Variants in BACH2 observed in about 807,000 individuals in gnomAD.
BACH2 encodes the protein transcription regulator protein BACH2.
In BACH2, 5 loss-of-function variants were observed where a neutral mutation model predicts 61.8. That is an observed-to-expected ratio of 0.08 (90% CI 0.04 to 0.17). BACH2 has a LOEUF of 0.17. BACH2 is among the 10% of genes least tolerant of loss of function. BACH2 has a pLI of 1.00. For synonymous variants in BACH2, 446 were observed against 440.1 expected, an observed-to-expected ratio of 1.01 and a Z score of -0.17; for missense variants, 824 against 1,091.1, an observed-to-expected ratio of 0.76 and a Z score of 3.45.
chr6:90,275,829 C>T (rs1379259050), intron 1 of BACH2, among the ~76,000 whole-genome samples: 1 of 152,030 alleles, frequency 6.6e-6, no homozygotes, highest in Admixed American at 6.6e-5. Flanking sequence ...ATTAGCCAGG[C>T]ATGGTGGTGT....
At chr6:90,237,972 T>C (rs1363950257) in intron 3 of BACH2, among the ~76,000 whole-genome samples, 1 of 152,258 alleles carries the variant, frequency 6.6e-6, no homozygotes, top group Non-Finnish European at 1.5e-5. Context: ...TCAATGTGTG[T>C]GCAATCCAAC....
At chr6:90,280,330 T>C (rs1299314276) in intron 1 of BACH2, among the ~76,000 whole-genome samples, 1 of 152,182 alleles carries the variant, frequency 6.6e-6, no homozygotes, top group Non-Finnish European at 1.5e-5. Flanking sequence ...TACAACGTTA[T>C]GTAATATTTT....
chr6:90,124,005 G>A lies in BACH2; in HGVS notation c.-161-34896C>T, dbSNP rs146182320. 6.8e-3 allele frequency among the ~76,000 whole-genome samples: 1,036 copies of A among 152,140 alleles called. 15 individuals are homozygous for A. Among genetic ancestry groups the A allele is most frequent in the African/African-American group, 0.022 (933 of 41,526 alleles). ...GCCAGACCTAGTGTGAGTCAGAGTC[G>A]CCAGGGGAACTTTTGTCAAAAACTG... On this transcript the variant is annotated intron_variant, in intron 4 of 8. Transcript: ENST00000257749.
At chr6:90,064,457 G>C (rs1291825210) in intron 5 of BACH2, among the ~76,000 whole-genome samples, 5 of 152,228 alleles carry the variant, frequency 3.3e-5, no homozygotes, top group Non-Finnish European at 5.9e-5. Flanking sequence ...TGGGGACCAT[G>C]ATGGGCTGCT....
At chr6:89,948,830 G>GTATTCCCA (rs1773902530) in intron 7 of BACH2, among the ~76,000 whole-genome samples, 1 of 152,140 alleles carries the variant, frequency 6.6e-6, no homozygotes, top group Non-Finnish European at 1.5e-5. Context: ...CTAAGGGGAG[G>GTATTCCCA]TGGTATATTC....
At position 89,964,538 on chromosome 6, in the gene BACH2, G is replaced by A. The variant is rs147959294; in HGVS notation, c.244-12676C>T. Among the ~76,000 whole-genome samples, 48 of 152,178 alleles carry A rather than the reference G, an allele frequency of 3.2e-4. 1 individual carries two copies. In the East Asian group the frequency reaches 7.9e-3, roughly 25 times the overall value. ...TCATGTTCTTTAAGATGATACTGCC[G>A]CTTTCTTCTAAAGATCTTCTCATGT... On this transcript the variant is annotated intron_variant, in intron 6 of 8. Coordinates refer to ENST00000257749, the MANE Select transcript of BACH2 (RefSeq NM_021813.4).
intron 3 of BACH2, among the ~76,000 whole-genome samples, chr6:90,230,475 G>A (rs1323294640): frequency 6.6e-6 from 1 of 152,208 alleles, no homozygotes; most frequent in Non-Finnish European, 1.5e-5. Flanking sequence ...CTGAGCTGAT[G>A]CTGACAGTAC....
At chr6:90,155,195 G>A (rs1784955014) in intron 4 of BACH2, among the ~76,000 whole-genome samples, 1 of 152,186 alleles carries the variant, frequency 6.6e-6, no homozygotes, top group Admixed American at 6.5e-5. Flanking sequence ...TTCTCCACAT[G>A]GCTAGACTAA....
intron 3 of BACH2, among the ~76,000 whole-genome samples, chr6:90,217,267 C>T (rs1375996556): frequency 6.6e-6 from 1 of 152,180 alleles, no homozygotes; most frequent in Non-Finnish European, 1.5e-5. Context: ...TAGCTATTAA[C>T]AGAAGGAGTT....
At chr6:90,188,855 GCT>G (rs1417577978) in intron 4 of BACH2, among the ~76,000 whole-genome samples, 1 of 151,384 alleles carries the variant, frequency 6.6e-6, no homozygotes, top group Non-Finnish European at 1.5e-5. Context: ...GTTTCCAAAG[GCT>G]AGCTCTGAAC....
chr6:90,058,610 C>T (rs4707591), intron 5 of BACH2, among the ~76,000 whole-genome samples: 65,115 of 151,246 alleles, frequency 0.43, 16,395 homozygotes, highest in East Asian at 0.82. Context: ...CTTCACAGAA[C>T]TGGAAAAAAC....
At chr6:90,227,290 G>A (rs985822778) in intron 3 of BACH2, among the ~76,000 whole-genome samples, 3 of 152,100 alleles carry the variant, frequency 2.0e-5, no homozygotes, top group Admixed American at 6.5e-5. Flanking sequence ...ATGATCCCTC[G>A]GGCGGTATAC....
intron 6 of BACH2, among the ~76,000 whole-genome samples, chr6:90,007,572 CA>C (rs1249748505): frequency 2.4e-4 from 36 of 152,250 alleles, no homozygotes; most frequent in Middle Eastern, 3.4e-3. Context: ...TATTATTTGC[CA>C]GGCCCCTGAA....
chr6:90,186,693 C>CA (rs1439812645), intron 4 of BACH2, among the ~76,000 whole-genome samples: 1 of 152,156 alleles, frequency 6.6e-6, no homozygotes, highest in Non-Finnish European at 1.5e-5. Flanking sequence ...GCCCCCGTGA[C>CA]AATGGTAGCA....
At chr6:90,273,678 T>C (rs1377687687) in intron 1 of BACH2, among the ~76,000 whole-genome samples, 1 of 152,134 alleles carries the variant, frequency 6.6e-6, no homozygotes, top group East Asian at 1.9e-4. Flanking sequence ...CAGTGGGAAA[T>C]CTGAGTACTT....
intron 4 of BACH2, among the ~76,000 whole-genome samples, chr6:90,176,402 T>C (rs998722444): frequency 4.6e-5 from 7 of 152,062 alleles, no homozygotes; most frequent in Non-Finnish European, 1.0e-4. Context: ...CTGTGGAAAG[T>C]GCACACTGGG....
chr6:89,933,316 C>T (rs917515357), intron 8 of BACH2, among the ~76,000 whole-genome samples: 5 of 152,082 alleles, frequency 3.3e-5, no homozygotes, highest in African/African-American at 9.6e-5. Context: ...CCATTCCAAC[C>T]GTATGACATT....
chr6:89,995,906 A>G (rs1776820578), intron 6 of BACH2, among the ~76,000 whole-genome samples: 1 of 152,244 alleles, frequency 6.6e-6, no homozygotes, highest in Admixed American at 6.5e-5. Flanking sequence ...GTTGGGGCTT[A>G]AATATGTTCC....
chr6:90,245,772 A>G (rs1247359333), intron 3 of BACH2, among the ~76,000 whole-genome samples: 1 of 152,234 alleles, frequency 6.6e-6, no homozygotes, highest in Non-Finnish European at 1.5e-5. Flanking sequence ...AGAAGTCTGA[A>G]TTTGAAACAA....
Sources: allele counts gnomAD v4.1 joint callset (sites outside exome capture counted in the v4.1 genomes callset), GRCh38; gene constraint gnomAD v4.1.1; transcripts MANE v1.5; gene names NCBI Gene and HGNC (gene_info 2026-07-23, HGNC 2026-07-21).